The following KCNIP1 variants were observed in gnomAD, a reference collection of about 807,000 sequenced individuals.
The protein encoded by KCNIP1 is A-type potassium channel modulatory protein KCNIP1.
Under a neutral mutation model 33.0 loss-of-function variants are expected in KCNIP1, and 18 were observed. The ratio of observed to expected loss-of-function variants is 0.55; its 90% confidence interval spans 0.38 to 0.81. The LOEUF is 0.81. Among genes scored for constraint, KCNIP1 ranks in the 30% least tolerant of loss-of-function variants. The probability of loss-of-function intolerance (pLI) is 0.00; values close to 1 mark genes in which losing one functional copy is unlikely to be tolerated. For synonymous variants in KCNIP1, 93 were observed against 98.3 expected (o/e 0.95, Z 0.32); for missense variants, 238 against 271.6 (o/e 0.88, Z 0.87).
chr5:170,465,217 A>G (rs1281037336), intron 1 of KCNIP1, among the ~76,000 whole-genome samples: 1 of 152,200 alleles, frequency 6.6e-6, no homozygotes, highest in Non-Finnish European at 1.5e-5. Flanking sequence ...TTTCTGTACA[A>G]CAAACCTTTG....
At chr5:170,640,865 G>A (rs1343891144) in intron 1 of KCNIP1, among the ~76,000 whole-genome samples, 1 of 152,110 alleles carries the variant, frequency 6.6e-6, no homozygotes, top group Admixed American at 6.5e-5. Context: ...AAACAGAATC[G>A]ACTCCTCTGC....
intron 1 of KCNIP1, among the ~76,000 whole-genome samples, chr5:170,612,707 C>T (rs1208287787): frequency 7.2e-5 from 11 of 152,226 alleles, no homozygotes. Context: ...CCTGCTCCAG[C>T]CTGACAATGT....
At chr5:170,487,971 C>T (rs1757133250) in intron 1 of KCNIP1, among the ~76,000 whole-genome samples, 2 of 152,202 alleles carry the variant, frequency 1.3e-5, no homozygotes, top group African/African-American at 4.8e-5. Flanking sequence ...ACTCATTCCT[C>T]AAGAGTTAGC....
At chr5:170,626,378 C>A (rs996613650) in intron 1 of KCNIP1, among the ~76,000 whole-genome samples, 3 of 152,254 alleles carry the variant, frequency 2.0e-5, no homozygotes, top group African/African-American at 7.2e-5. Flanking sequence ...GCTTTTCTAA[C>A]GAGAGTGTGC....
chr5:170,571,288 C>A (rs541467662), intron 1 of KCNIP1, among the ~76,000 whole-genome samples: 2 of 152,368 alleles, frequency 1.3e-5, no homozygotes, highest in African/African-American at 4.8e-5. Context: ...CTTTGACCAT[C>A]ACAGCCCAGC....
At chr5:170,411,684 A>T (rs1755193754) in intron 1 of KCNIP1, among the ~76,000 whole-genome samples, 4 of 152,234 alleles carry the variant, frequency 2.6e-5, no homozygotes, top group African/African-American at 9.6e-5. Flanking sequence ...CCAAGGTGCC[A>T]GACAATCTTC....
At chr5:170,656,432 C>T (rs1465937909) in intron 1 of KCNIP1, among the ~76,000 whole-genome samples, 3 of 152,214 alleles carry the variant, frequency 2.0e-5, no homozygotes, top group South Asian at 2.1e-4. Flanking sequence ...AAGCTACTAC[C>T]ATCCCTGAGC....
intron 1 of KCNIP1, among the ~76,000 whole-genome samples, chr5:170,631,999 G>A (rs150352974): frequency 1.3e-5 from 2 of 152,210 alleles, no homozygotes; most frequent in African/African-American, 2.4e-5. Flanking sequence ...TGTCCAGGAC[G>A]ATTTGCCACA....
chr5:170,521,048 G>T (rs761239359), intron 1 of KCNIP1, among the ~76,000 whole-genome samples: 2 of 152,164 alleles, frequency 1.3e-5, no homozygotes, highest in Non-Finnish European at 2.9e-5. Flanking sequence ...GAGAATTAAC[G>T]TTTGGGTTGT....
Position 170,732,905 on chromosome 5 carries a change from G to A in KCNIP1, c.540+1G>A, listed in dbSNP as rs1173604295. On this transcript the variant is annotated splice_donor_variant, in intron 6 of 7. Coordinates refer to ENST00000328939, the MANE Select transcript of KCNIP1 (RefSeq NM_014592.4). LOFTEE classifies it high-confidence loss of function. ...GCAGCATGTGGACGTCTTCTTCCAG[G>A]TAAGTGCACACACCCTGCACATGAG... 1 of 1,584,348 alleles carries A rather than the reference G, an allele frequency of 6.3e-7. No homozygotes were observed. Among genetic ancestry groups the A allele is most frequent in the Non-Finnish European group, 8.7e-7 (1 of 1,153,044 alleles).
chr5:170,651,681 A>C (rs1443580503), intron 1 of KCNIP1, among the ~76,000 whole-genome samples: 13 of 152,222 alleles, frequency 8.5e-5, no homozygotes, highest in Non-Finnish European at 1.8e-4. Flanking sequence ...CCGTAAAAAA[A>C]CAAATGAATG....
At position 170,736,552 on chromosome 5, in the gene KCNIP1, A is replaced by C. The variant is rs1198487066; in HGVS notation, c.*746A>C. ...AGCCCAGCGCTGCATGTCCCTCCCA[A>C]GAAGTCCAGAATGCCTGCAAATTGC... On this transcript the variant is annotated 3_prime_UTR_variant, in exon 8 of 8. Coordinates refer to ENST00000328939, the MANE Select transcript of KCNIP1 (RefSeq NM_014592.4). 2.6e-5 allele frequency: 4 copies of C among 152,214 alleles called. No individual in the cohort carries two copies. The highest frequency in any genetic ancestry group is 5.9e-5 in the Non-Finnish European group (4 of 68,054). 9.4% of individuals were successfully genotyped at this position (152,214 alleles called of 1,614,324 possible).
At chr5:170,392,792 C>A (rs1013417769) in intron 1 of KCNIP1, among the ~76,000 whole-genome samples, 2 of 152,184 alleles carry the variant, frequency 1.3e-5, no homozygotes, top group Admixed American at 1.3e-4. Flanking sequence ...CCACTGTACT[C>A]CAGCCTGGGC....
At chr5:170,662,518 A>G (rs952690666) in intron 1 of KCNIP1, among the ~76,000 whole-genome samples, 1 of 152,028 alleles carries the variant, frequency 6.6e-6, no homozygotes, top group Non-Finnish European at 1.5e-5. Flanking sequence ...CTCCTCTCCA[A>G]TCTGAGGACT....
At chr5:170,540,463 G>A (rs1306770310) in intron 1 of KCNIP1, among the ~76,000 whole-genome samples, 1 of 152,238 alleles carries the variant, frequency 6.6e-6, no homozygotes, top group African/African-American at 2.4e-5. Context: ...GCCCTGCTAT[G>A]TGGATCTTGG....
upstream of KCNIP1, among the ~76,000 whole-genome samples, chr5:170,503,870 G>T (rs971935433): frequency 2.6e-5 from 4 of 151,968 alleles, no homozygotes; most frequent in Admixed American, 2.0e-4. Flanking sequence ...TGCTCCCGGG[G>T]CTCCCGCACA....
upstream of KCNIP1, among the ~76,000 whole-genome samples, chr5:170,503,752 AC>A (rs1561655287): frequency 7.0e-6 from 1 of 143,606 alleles, no homozygotes; most frequent in East Asian, 2.0e-4. Flanking sequence ...ACACACACAC[AC>A]ACACACACAC....
At chr5:170,549,408 A>G (rs894794922) in intron 1 of KCNIP1, among the ~76,000 whole-genome samples, 6 of 152,292 alleles carry the variant, frequency 3.9e-5, no homozygotes, top group South Asian at 2.1e-4. Context: ...CCCATCATCC[A>G]TATAGTGTAC....
intron 1 of KCNIP1, among the ~76,000 whole-genome samples, chr5:170,433,643 C>T (rs1018780545): frequency 6.6e-6 from 1 of 152,178 alleles, no homozygotes; most frequent in Admixed American, 6.5e-5. Context: ...TCATCAGCAT[C>T]CTTGTCATCA....
Sources: gnomAD v4.1 joint callset for allele counts (sites outside exome capture counted in the v4.1 genomes callset) on GRCh38, gnomAD v4.1.1 for gene constraint, MANE v1.5 for transcripts, NCBI Gene and HGNC (gene_info 2026-07-23, HGNC 2026-07-21) for gene names.